SORBS2: variants seen among roughly 807,000 people sequenced by gnomAD.
The protein encoded by SORBS2 is sorbin and SH3 domain-containing protein 2.
In SORBS2, 46 loss-of-function variants were observed where a neutral mutation model predicts 97.7. That is an observed-to-expected ratio of 0.47 (90% CI 0.37 to 0.60). SORBS2 has a LOEUF of 0.60. Among genes scored for constraint, SORBS2 ranks in the 20% least tolerant of loss-of-function variants. The pLI, the probability that SORBS2 is intolerant of heterozygous loss-of-function variation, is 0.00. For missense variants in SORBS2, 1,316 were observed against 1,282.3 expected (o/e 1.03, Z -0.40); for synonymous variants, 476 against 473.4 (o/e 1.01, Z -0.07).
At chr4:185,908,815 A>G (rs2099253175) in intron 1 of SORBS2, among the ~76,000 whole-genome samples, 1 of 152,124 alleles carries the variant, frequency 6.6e-6, no homozygotes, top group African/African-American at 2.4e-5. Flanking sequence ...GTTGAGCCAT[A>G]AAACATGAAA....
At chr4:185,682,242 C>T (rs2097881058) in intron 2 of SORBS2, among the ~76,000 whole-genome samples, 2 of 152,170 alleles carry the variant, frequency 1.3e-5, no homozygotes, top group Admixed American at 1.3e-4. Context: ...ATGAAACATG[C>T]AGGTGGTATC....
At position 185,615,880 on chromosome 4, in the gene SORBS2, A is replaced by G. The variant is rs186141629; in HGVS notation, c.2352-721T>C. On this transcript the variant is annotated intron_variant, in intron 9 of 14. Transcript: ENST00000418609. Reference sequence around the variant, plus strand: ...TTTTTCAATTTTGGCTGTTTCTAAGAAAATTGTAGGTATATTTGATTTGGG... The same window carrying G: ...TTTTTCAATTTTGGCTGTTTCTAAGGAAATTGTAGGTATATTTGATTTGGG... Among the ~76,000 whole-genome samples the G allele has an allele frequency of 4.6e-5, 7 of 152,332 alleles. No individual in the cohort carries two copies. In the East Asian group the frequency reaches 1.3e-3, roughly 29 times the overall value.
upstream of SORBS2, chr4:185,657,091 C>G (rs2097419586): frequency 5.9e-6 from 2 of 336,258 alleles, no homozygotes; most frequent in African/African-American, 2.2e-5. Context: ...CTTGTTCCTT[C>G]TCTTTTCTCT....
intron 2 of SORBS2, among the ~76,000 whole-genome samples, chr4:185,758,078 CA>C (rs1342055130): frequency 6.6e-6 from 1 of 152,098 alleles, no homozygotes; most frequent in Non-Finnish European, 1.5e-5. Context: ...TTGCTGACAC[CA>C]GGGCATGAAA....
chr4:185,674,409 C>CT (rs1379781389), intron 4 of SORBS2, among the ~76,000 whole-genome samples: 1 of 152,130 alleles, frequency 6.6e-6, no homozygotes, highest in Non-Finnish European at 1.5e-5. Context: ...TCCTCTGCTG[C>CT]CCCCTGCTTT....
chr4:185,647,194 G>A (rs147345326), intron 3 of SORBS2, among the ~76,000 whole-genome samples: 22 of 152,228 alleles, frequency 1.4e-4, no homozygotes, highest in African/African-American at 5.1e-4. Flanking sequence ...AGTGTCATGT[G>A]GGTTGGCGTG....
At chr4:185,876,388 G>A (rs546385104) in intron 1 of SORBS2, among the ~76,000 whole-genome samples, 26 of 152,262 alleles carry the variant, frequency 1.7e-4, no homozygotes, top group Admixed American at 7.8e-4. Context: ...GATTACAGGC[G>A]TGAGCCACCA....
intron 1 of SORBS2, among the ~76,000 whole-genome samples, chr4:185,868,062 C>G (rs2099227990): frequency 2.6e-5 from 4 of 152,038 alleles, no homozygotes; most frequent in Admixed American, 2.6e-4. Context: ...CAATAAGTGC[C>G]TCTAACTTCC....
chr4:185,658,831 C>T (rs1243601657), upstream of SORBS2, among the ~76,000 whole-genome samples: 1 of 151,412 alleles, frequency 6.6e-6, no homozygotes, highest in Non-Finnish European at 1.5e-5. Flanking sequence ...CAGGTGCGTG[C>T]CACCATGCCT....
chr4:185,705,510 T>G (rs1021812460), intron 2 of SORBS2, among the ~76,000 whole-genome samples: 30 of 151,994 alleles, frequency 2.0e-4, no homozygotes, highest in African/African-American at 6.8e-4. Context: ...CGCGCCACTG[T>G]ACTCCAGCCT....
intron 1 of SORBS2, chr4:185,918,281 A>G (rs918541430): frequency 6.6e-6 from 1 of 152,248 alleles, no homozygotes; most frequent in African/African-American, 2.4e-5. Context: ...CTGTTAGCAG[A>G]TAATACAACT....
At position 185,818,816 on chromosome 4, in the gene SORBS2, ACT is replaced by A. The variant is rs575488236; in HGVS notation, c.-337-43452_-337-43451del. 2.3e-3 allele frequency among the ~76,000 whole-genome samples: 332 copies of A among 141,940 alleles called. 1 individual carries two copies. The highest frequency in any genetic ancestry group is 6.6e-3 in the African/African-American group (258 of 39,076). 93.1% of individuals were successfully genotyped at this position (141,940 alleles called of 152,430 possible). ...ACTCCAGCCTGGGTGACAGAGCGAG[ACT>A]CTGTCTCAAAAAAAAAAAAGAAAAG... On this transcript the variant is annotated intron_variant, in intron 1 of 20. Coordinates refer to the SORBS2 transcript ENST00000284776.
intron 4 of SORBS2, chr4:185,638,988 C>T: frequency 6.6e-7 from 1 of 1,523,508 alleles, no homozygotes; most frequent in Non-Finnish European, 8.8e-7. Flanking sequence ...AAAGAGGCTT[C>T]CGGCCAGGTT....
At chr4:185,691,895 C>G (rs1314889399) in intron 2 of SORBS2, among the ~76,000 whole-genome samples, 3 of 152,194 alleles carry the variant, frequency 2.0e-5, no homozygotes, top group Non-Finnish European at 4.4e-5. Context: ...CAGGCACCCG[C>G]CACCACGCTC....
At chr4:185,928,010 T>G (rs1009809791) in intron 1 of SORBS2, among the ~76,000 whole-genome samples, 1 of 152,242 alleles carries the variant, frequency 6.6e-6, no homozygotes, top group African/African-American at 2.4e-5. Context: ...GAAGGCCTCC[T>G]GTCCATTTTT....
chr4:185,888,714 C>G (rs1056613260), intron 1 of SORBS2, among the ~76,000 whole-genome samples: 23 of 152,320 alleles, frequency 1.5e-4, no homozygotes, highest in African/African-American at 5.3e-4. Flanking sequence ...TGCTTCCAGG[C>G]TTAGCTTCAC....
chr4:185,843,612 T>C (rs1290382871), intron 1 of SORBS2, among the ~76,000 whole-genome samples: 3 of 152,118 alleles, frequency 2.0e-5, no homozygotes, highest in African/African-American at 4.8e-5. Context: ...AAAAAATACT[T>C]AGAAATAAAT....
At position 185,884,607 on chromosome 4, in the gene SORBS2, C is replaced by A. The variant is rs1213643320; in HGVS notation, c.-338+71589G>T. Among the ~76,000 whole-genome samples, 10 of 152,284 alleles carry A rather than the reference C, an allele frequency of 6.6e-5. 1 individual carries two copies. Among genetic ancestry groups the A allele is most frequent in the African/African-American group, 2.4e-4 (10 of 41,576 alleles). The stretch of plus-strand genomic sequence containing the variant: ...GAGAATATGATTTCCATCAACTTGG[C>A]CTTTCTGGGTTTCAGGACTGGATCT... On this transcript the variant is annotated intron_variant, in intron 1 of 20. Coordinates refer to the SORBS2 transcript ENST00000284776.
At chr4:185,890,223 T>A (rs879927906) in intron 1 of SORBS2, among the ~76,000 whole-genome samples, 5 of 152,236 alleles carry the variant, frequency 3.3e-5, no homozygotes, top group Non-Finnish European at 7.3e-5. Flanking sequence ...AATATATCAC[T>A]TTTTTGTATA....
Sources: gnomAD v4.1 joint callset for allele counts (sites outside exome capture counted in the v4.1 genomes callset) on GRCh38, gnomAD v4.1.1 for gene constraint, MANE v1.5 for transcripts, NCBI Gene and HGNC (gene_info 2026-07-23, HGNC 2026-07-21) for gene names.